The following PDGFD variants were observed in gnomAD, a reference collection of about 807,000 sequenced individuals.
PDGFD encodes the protein platelet derived growth factor D.
PDGFD carries 30 observed loss-of-function variants against 44.7 expected under a neutral mutation model. The observed-to-expected ratio is 0.67, with a 90% CI of 0.50 to 0.91. PDGFD has a LOEUF of 0.91. PDGFD is among the 40% of genes least tolerant of loss of function. PDGFD has a pLI of 0.00. For missense variants in PDGFD, 445 were observed against 457.8 expected (o/e 0.97, Z 0.25); for synonymous variants, 173 against 168.4 (o/e 1.03, Z -0.21).
At chr11:104,096,597 T>G (rs1170261856) in intron 1 of PDGFD, among the ~76,000 whole-genome samples, 2 of 152,186 alleles carry the variant, frequency 1.3e-5, no homozygotes, top group African/African-American at 2.4e-5. Flanking sequence ...CTTTCATTCA[T>G]TATGTAGTAT....
rs568908259 is a variant in PDGFD at position 104,119,504 on chromosome 11, TA to T, written c.124+44299del. Among the ~76,000 whole-genome samples the T allele has an allele frequency of 8.1e-3, 389 of 48,310 alleles. 56 individuals carry two copies. The highest frequency in any genetic ancestry group is 0.035 in the African/African-American group (373 of 10,616). 31.7% of individuals were successfully genotyped at this position (48,310 alleles called of 152,430 possible). A position where few individuals can be genotyped will look rare whatever the true frequency, so the allele number is the denominator to read the frequency against. On this transcript the variant is annotated intron_variant, in intron 1 of 6. Coordinates refer to ENST00000393158, the MANE Select transcript of PDGFD (RefSeq NM_025208.5). ...TATAATATAATATATTGATATAATA[TA>T]TAATATATTAATATAATATATTGAT...
intron 1 of PDGFD, among the ~76,000 whole-genome samples, chr11:104,081,271 T>C (rs1346637873): frequency 1.6e-4 from 25 of 152,156 alleles, no homozygotes; most frequent in East Asian, 1.9e-4. Context: ...TTATGAAATA[T>C]CTCAAGGCAA....
chr11:104,163,999 C>CCGCCCGGCGCTCTCGCCGCCTGCGCT lies in PDGFD; in HGVS notation c.-73_-72insAGCGCAGGCGGCGAGAGCGCCGGGCG, dbSNP rs1297348059. 1.1e-4 allele frequency: 158 copies of CCGCCCGGCGCTCTCGCCGCCTGCGCT among 1,437,208 alleles called. No homozygotes were observed. The African/African-American group carries it at 2.1e-3, about 19-fold the overall frequency. The allele number at this position is 1,437,208 out of a possible 1,614,324, so 89.0% of individuals were successfully genotyped here. On this transcript the variant is annotated 5_prime_UTR_variant, in exon 1 of 7. Coordinates refer to ENST00000393158, the MANE Select transcript of PDGFD (RefSeq NM_025208.5). Reference sequence around the variant, plus strand: ...TTCTGCTCCCGGGACCGACGCCGCGCCGCCCTGCGCTCTCGCCGCCTGCGC... The same window carrying CCGCCCGGCGCTCTCGCCGCCTGCGCT: ...TTCTGCTCCCGGGACCGACGCCGCGCCGCCCGGCGCTCTCGCCGCCTGCGCTCGCCCTGCGCTCTCGCCGCCTGCGC...
At chr11:104,103,341 C>T (rs1156469076) in intron 1 of PDGFD, among the ~76,000 whole-genome samples, 1 of 151,622 alleles carries the variant, frequency 6.6e-6, no homozygotes, top group Non-Finnish European at 1.5e-5. Context: ...CTCTGTATGT[C>T]CATTATAACC....
chr11:104,099,100 T>C (rs1378670599), intron 1 of PDGFD, among the ~76,000 whole-genome samples: 1 of 152,142 alleles, frequency 6.6e-6, no homozygotes, highest in Non-Finnish European at 1.5e-5. Flanking sequence ...GTTAGTATGT[T>C]TATTTCACAG....
chr11:103,915,491 A>G (rs1364184441), intron 6 of PDGFD, among the ~76,000 whole-genome samples: 1 of 152,244 alleles, frequency 6.6e-6, no homozygotes, highest in Non-Finnish European at 1.5e-5. Context: ...ACAGATAGTA[A>G]GAATCATGAA....
intron 3 of PDGFD, among the ~76,000 whole-genome samples, chr11:103,974,895 T>C (rs767121839): frequency 6.6e-5 from 10 of 152,238 alleles, no homozygotes; most frequent in Admixed American, 1.3e-4. Context: ...CAGTCTATCA[T>C]TGATGGGCAT....
chr11:104,126,557 AT>A (rs1430090544), intron 1 of PDGFD, among the ~76,000 whole-genome samples: 1 of 152,178 alleles, frequency 6.6e-6, no homozygotes, highest in Non-Finnish European at 1.5e-5. Flanking sequence ...GCTAGGCATT[AT>A]GCTAGACGCT....
chr11:104,126,022 T>C (rs1227115013), intron 1 of PDGFD, among the ~76,000 whole-genome samples: 1 of 151,996 alleles, frequency 6.6e-6, no homozygotes, highest in Non-Finnish European at 1.5e-5. Context: ...GAGCAACCAA[T>C]GTGGTCACAG....
chr11:103,978,901 T>C (rs1217289472), intron 3 of PDGFD, among the ~76,000 whole-genome samples: 3 of 151,996 alleles, frequency 2.0e-5, no homozygotes, highest in African/African-American at 4.8e-5. Context: ...GGGATGGTAT[T>C]GTCAGAGAAG....
intron 1 of PDGFD, among the ~76,000 whole-genome samples, chr11:104,100,938 G>A (rs951609361): frequency 1.1e-4 from 16 of 151,980 alleles, no homozygotes; most frequent in Non-Finnish European, 1.5e-4. Context: ...ATTAGGTATC[G>A]ATGGGATGTA....
intron 3 of PDGFD, among the ~76,000 whole-genome samples, chr11:103,973,563 G>A (rs1000818993): frequency 3.9e-5 from 6 of 152,080 alleles, no homozygotes; most frequent in East Asian, 1.9e-4. Context: ...GCTAGGATAC[G>A]TTATTTCCAG....
intron 1 of PDGFD, among the ~76,000 whole-genome samples, chr11:104,091,249 T>C (rs1010220293): frequency 6.6e-6 from 1 of 152,222 alleles, no homozygotes; most frequent in Non-Finnish European, 1.5e-5. Context: ...ATGTTAGTAA[T>C]TGGTTTTCCT....
chr11:104,060,876 A>G (rs553055732), intron 1 of PDGFD, among the ~76,000 whole-genome samples: 1 of 152,314 alleles, frequency 6.6e-6, no homozygotes, highest in African/African-American at 2.4e-5. Flanking sequence ...TGCCATTTTA[A>G]CCACTTTAAG....
Position 104,084,728 on chromosome 11 carries a change from TAC to T in PDGFD, c.124+79074_124+79075del, listed in dbSNP as rs1032798361. The stretch of plus-strand genomic sequence containing the variant: ...TAATTAATAAAGTATACATATATAA[TAC>T]AGATATATGTAATATATTATAGTTT... On this transcript the variant is annotated intron_variant, in intron 1 of 6. Coordinates refer to ENST00000393158, the MANE Select transcript of PDGFD (RefSeq NM_025208.5). Among the ~76,000 whole-genome samples, 6 of 133,700 alleles carry T rather than the reference TAC, an allele frequency of 4.5e-5. No individual in the cohort carries two copies. In the East Asian group the frequency reaches 8.0e-4, roughly 18 times the overall value. 87.7% of individuals were successfully genotyped at this position (133,700 alleles called of 152,430 possible). A position where few individuals can be genotyped will look rare whatever the true frequency, so the allele number is the denominator to read the frequency against.
chr11:104,037,664 T>G, intron 1 of PDGFD: 1 of 1,614,182 alleles, frequency 6.2e-7, no homozygotes, highest in Non-Finnish European at 8.5e-7. Context: ...ATCATGAGGC[T>G]GGTGGACCGA....
At chr11:104,075,453 G>A (rs1860942974) in intron 1 of PDGFD, among the ~76,000 whole-genome samples, 1 of 151,642 alleles carries the variant, frequency 6.6e-6, no homozygotes, top group Non-Finnish European at 1.5e-5. Flanking sequence ...AGCTAATAGA[G>A]ACTGTACTTT....
In PDGFD at chr11:103,969,646, T is replaced by G. The variant is rs190052142; in HGVS notation, c.511-21922A>C. Among the ~76,000 whole-genome samples the G allele has an allele frequency of 1.1e-3, 167 of 152,064 alleles. 1 individual carries two copies. Among genetic ancestry groups the G allele is most frequent in the Non-Finnish European group, 1.9e-3 (131 of 67,936 alleles). On this transcript the variant is annotated intron_variant, in intron 3 of 6. Transcript: ENST00000393158. Reference sequence around the variant, plus strand: ...GTTAGAGCTACTCCTTCAGGGGCTTTTAATATTAAAATTCAAGATATTGCA... The same window carrying G: ...GTTAGAGCTACTCCTTCAGGGGCTTGTAATATTAAAATTCAAGATATTGCA...
At chr11:104,074,077 T>C (rs536006618) in intron 1 of PDGFD, among the ~76,000 whole-genome samples, 15 of 152,280 alleles carry the variant, frequency 9.9e-5, no homozygotes, top group African/African-American at 2.9e-4. Flanking sequence ...TGCTTGCCCA[T>C]TTCTACTTCC....
Sources: allele counts gnomAD v4.1 joint callset (sites outside exome capture counted in the v4.1 genomes callset), GRCh38; gene constraint gnomAD v4.1.1; transcripts MANE v1.5; gene names NCBI Gene and HGNC (gene_info 2026-07-23, HGNC 2026-07-21).